Variants in ATRNL1 observed in about 807,000 individuals in gnomAD.
The protein encoded by ATRNL1 is attractin like 1, also known as attractin-like protein 1.
Under a neutral mutation model 182.7 loss-of-function variants are expected in ATRNL1, and 95 were observed. The ratio of observed to expected loss-of-function variants is 0.52; its 90% CI spans 0.44 to 0.62. The LOEUF is 0.62. ATRNL1 is among the 20% of genes least tolerant of loss of function. The pLI is 0.00. For synonymous variants in ATRNL1, 576 were observed against 568.3 expected (o/e 1.01, Z -0.19); for missense variants, 1,471 against 1,679.5 (o/e 0.88, Z 2.17).
At chr10:115,277,602 G>A (rs1224468282) in intron 13 of ATRNL1, among the ~76,000 whole-genome samples, 6 of 151,248 alleles carry the variant, frequency 4.0e-5, no homozygotes, top group African/African-American at 1.5e-4. Flanking sequence ...AGATTGAGGT[G>A]GGGGCTCAAT....
At chr10:115,259,181 C>T (rs1592338726) in intron 10 of ATRNL1, among the ~76,000 whole-genome samples, 1 of 152,208 alleles carries the variant, frequency 6.6e-6, no homozygotes, top group African/African-American at 2.4e-5. Context: ...TTTAAGTCTG[C>T]AGAAGTTGTC....
Position 115,939,470 on chromosome 10 carries a change from G to A in ATRNL1, c.4019-5188G>A, listed in dbSNP as rs149665081. Among the ~76,000 whole-genome samples, 306 of 152,272 alleles carry A rather than the reference G, an allele frequency of 2.0e-3. 1 individual carries two copies. Among genetic ancestry groups the A allele is most frequent in the African/African-American group, 7.1e-3 (294 of 41,546 alleles). ...AGAACTAAAAGTACAAAAAGGTAAA[G>A]CTTATAATAACTATTGAAACCCCAG... On this transcript the variant is annotated intron_variant, in intron 28 of 28. Coordinates refer to ENST00000355044, the MANE Select transcript of ATRNL1 (RefSeq NM_207303.4).
At chr10:115,259,884 A>T (rs1218397677) in intron 10 of ATRNL1, among the ~76,000 whole-genome samples, 2 of 152,204 alleles carry the variant, frequency 1.3e-5, no homozygotes, top group Admixed American at 6.5e-5. Context: ...GATACATTCA[A>T]CTTCTAGGGA....
chr10:115,255,199 G>A (rs1261928183), intron 10 of ATRNL1, among the ~76,000 whole-genome samples: 2 of 152,162 alleles, frequency 1.3e-5, no homozygotes, highest in Admixed American at 6.5e-5. Context: ...GATGGGGATG[G>A]CATTGAATCT....
intron 28 of ATRNL1, among the ~76,000 whole-genome samples, chr10:115,899,950 A>G (rs745322345): frequency 1.1e-4 from 17 of 152,242 alleles, no homozygotes; most frequent in Admixed American, 4.6e-4. Context: ...AGCCAAGACT[A>G]GCCAAGGCAC....
intron 10 of ATRNL1, among the ~76,000 whole-genome samples, chr10:115,256,936 G>T (rs1013411354): frequency 6.6e-6 from 1 of 152,098 alleles, no homozygotes; most frequent in Non-Finnish European, 1.5e-5. Context: ...ATAGTTGTGC[G>T]GTTTTGAGTG....
intron 28 of ATRNL1, among the ~76,000 whole-genome samples, chr10:115,874,811 A>G (rs1236020848): frequency 6.6e-6 from 1 of 152,224 alleles, no homozygotes; most frequent in Non-Finnish European, 1.5e-5. Context: ...TTGCTAAGAA[A>G]GATCGAAAAT....
At chr10:115,372,083 A>C (rs1554948207) in intron 19 of ATRNL1, among the ~76,000 whole-genome samples, 1 of 152,204 alleles carries the variant, frequency 6.6e-6, no homozygotes, top group African/African-American at 2.4e-5. Context: ...TGGCCTCCCC[A>C]GCCATGTGGA....
intron 26 of ATRNL1, among the ~76,000 whole-genome samples, chr10:115,703,642 G>T (rs1946808162): frequency 6.6e-6 from 1 of 151,534 alleles, no homozygotes; most frequent in African/African-American, 2.4e-5. Flanking sequence ...ATAAATGCAT[G>T]TAACATGCAT....
intron 24 of ATRNL1, among the ~76,000 whole-genome samples, chr10:115,475,434 G>C (rs529176437): frequency 6.6e-6 from 1 of 151,390 alleles, no homozygotes; most frequent in Admixed American, 6.6e-5. Context: ...GTTATCAATG[G>C]AAGTAATCCA....
chr10:115,809,112 T>G (rs1949989311), intron 27 of ATRNL1, among the ~76,000 whole-genome samples: 1 of 152,106 alleles, frequency 6.6e-6, no homozygotes, highest in Admixed American at 6.6e-5. Context: ...TTGGATTACC[T>G]TAACCACTTT....
In ATRNL1 at chr10:115,161,399, T is replaced by C. The variant is rs543017121; in HGVS notation, c.1004+1185T>C. Reference sequence around the variant, plus strand: ...GTGGGATTAAAATGAATTGTTAAGATAAAAACCTGGAGAAATAATGATATT... The same window carrying C: ...GTGGGATTAAAATGAATTGTTAAGACAAAAACCTGGAGAAATAATGATATT... On this transcript the variant is annotated intron_variant, in intron 6 of 28. Transcript: ENST00000355044. Among the ~76,000 whole-genome samples, 3 of 151,982 alleles carry C rather than the reference T, an allele frequency of 2.0e-5. No homozygotes were observed. The South Asian group carries it at 6.2e-4, about 32-fold the overall frequency.
chr10:115,846,635 A>G (rs1950934724), intron 27 of ATRNL1, among the ~76,000 whole-genome samples: 1 of 152,112 alleles, frequency 6.6e-6, no homozygotes. Flanking sequence ...TAACATTCCT[A>G]GGCTAAACTG....
intron 27 of ATRNL1, among the ~76,000 whole-genome samples, chr10:115,833,772 A>G (rs1950609019): frequency 6.6e-6 from 1 of 152,236 alleles, no homozygotes; most frequent in Non-Finnish European, 1.5e-5. Flanking sequence ...ATAATGTACC[A>G]GAGCCCACAT....
chr10:115,587,066 G>T (rs1443626089), intron 26 of ATRNL1, among the ~76,000 whole-genome samples: 1 of 149,692 alleles, frequency 6.7e-6, no homozygotes, highest in Admixed American at 6.7e-5. Context: ...TAGGCTGCTC[G>T]GGGGTCAGGG....
chr10:115,379,972 G>A (rs1554950640), intron 19 of ATRNL1, among the ~76,000 whole-genome samples: 1 of 152,086 alleles, frequency 6.6e-6, no homozygotes, highest in African/African-American at 2.4e-5. Context: ...GACTACGGGT[G>A]CCCACCACCA....
intron 24 of ATRNL1, among the ~76,000 whole-genome samples, chr10:115,474,818 A>G (rs376914042): frequency 6.6e-6 from 1 of 151,488 alleles, no homozygotes; most frequent in African/African-American, 2.4e-5. Flanking sequence ...AATAATTACA[A>G]AGTAAACAGT....
intron 10 of ATRNL1, among the ~76,000 whole-genome samples, chr10:115,257,621 T>C (rs1554907422): frequency 1.3e-5 from 2 of 152,230 alleles, no homozygotes; most frequent in African/African-American, 4.8e-5. Flanking sequence ...AAGGTTAATA[T>C]TGTTATGTGT....
At chr10:115,739,644 A>G (rs1178437155) in intron 27 of ATRNL1, among the ~76,000 whole-genome samples, 3 of 152,192 alleles carry the variant, frequency 2.0e-5, no homozygotes, top group Admixed American at 6.5e-5. Flanking sequence ...TAAAACATTA[A>G]CACAAAAGTA....
Sources: allele counts gnomAD v4.1 joint callset (sites outside exome capture counted in the v4.1 genomes callset), GRCh38; gene constraint gnomAD v4.1.1; transcripts MANE v1.5; gene names NCBI Gene and HGNC (gene_info 2026-07-23, HGNC 2026-07-21).